Variants in NCKAP5 observed in about 807,000 individuals in gnomAD.
NCKAP5 encodes nck-associated protein 5.
In NCKAP5, 92 loss-of-function variants were observed where a neutral mutation model predicts 167.0. That is an observed-to-expected ratio of 0.55 (90% confidence interval 0.47 to 0.66). The LOEUF is 0.66. Ranked by LOEUF, NCKAP5 falls within the 30% of genes least tolerant of loss-of-function variation. The pLI is 0.00. For synonymous variants in NCKAP5, 891 were observed against 877.4 expected, an observed-to-expected ratio of 1.02 and a Z score of -0.27; for missense variants, 2,378 against 2,315.0, an observed-to-expected ratio of 1.03 and a Z score of -0.56.
intron 3 of NCKAP5, among the ~76,000 whole-genome samples, chr2:133,329,811 G>T (rs993927942): frequency 5.9e-5 from 9 of 152,110 alleles, no homozygotes; most frequent in African/African-American, 2.2e-4. Context: ...AAAAGGAGTG[G>T]TTGCCCAAGA....
At chr2:133,298,896 T>G (rs1680150184) in intron 4 of NCKAP5, among the ~76,000 whole-genome samples, 1 of 152,174 alleles carries the variant, frequency 6.6e-6, no homozygotes, top group Admixed American at 6.5e-5. Context: ...CAGGTTATAG[T>G]TCTCAAAGAC....
intron 3 of NCKAP5, among the ~76,000 whole-genome samples, chr2:133,472,296 T>C (rs541709986): frequency 1.2e-4 from 19 of 152,154 alleles, no homozygotes; most frequent in Admixed American, 2.6e-4. Context: ...CTGCATACTG[T>C]AACTTTCCTT....
chr2:133,335,562 G>A (rs1331064149), intron 3 of NCKAP5, among the ~76,000 whole-genome samples: 1 of 151,976 alleles, frequency 6.6e-6, no homozygotes, highest in African/African-American at 2.4e-5. Flanking sequence ...TCCGCCACTT[G>A]TTCTATAAAA....
rs543870757 is a variant in NCKAP5, at chr2:132,871,185, G to A, written c.649-2211C>T. Among the ~76,000 whole-genome samples the A allele has an allele frequency of 2.0e-5, 3 of 152,242 alleles. 1 individual carries two copies. Among genetic ancestry groups the A allele is most frequent in the Middle Eastern group, 3.4e-3 (1 of 294 alleles). On this transcript the variant is annotated intron_variant, in intron 9 of 19. Coordinates refer to ENST00000409261, the MANE Select transcript of NCKAP5 (RefSeq NM_207363.3). ...ATATGTGATCACAACAGTGATAAAT[G>A]TTATCCAACCCACACAAATTGACCA...
intron 11 of NCKAP5, among the ~76,000 whole-genome samples, chr2:132,815,795 G>A (rs2105291478): frequency 6.6e-6 from 1 of 152,306 alleles, no homozygotes; most frequent in Admixed American, 6.5e-5. Context: ...AATGTTAACT[G>A]CCTTATCAAA....
intron 13 of NCKAP5, among the ~76,000 whole-genome samples, chr2:132,788,586 G>A (rs1683790454): frequency 6.6e-6 from 1 of 152,108 alleles, no homozygotes; most frequent in Non-Finnish European, 1.5e-5. Context: ...ATAGGCGACT[G>A]GGAGCATTAC....
At chr2:133,202,974 C>T (rs923073099) in intron 5 of NCKAP5, among the ~76,000 whole-genome samples, 1 of 151,748 alleles carries the variant, frequency 6.6e-6, no homozygotes, top group Non-Finnish European at 1.5e-5. Context: ...TTGTGGAAGA[C>T]AGTGTGGCAA....
chr2:133,056,015 C>T (rs976665583), intron 6 of NCKAP5, among the ~76,000 whole-genome samples: 2 of 152,172 alleles, frequency 1.3e-5, no homozygotes, highest in Non-Finnish European at 2.9e-5. Flanking sequence ...ACACTTATCC[C>T]TGTGCCAATG....
intron 6 of NCKAP5, chr2:133,117,097 A>C (rs1449834295): frequency 6.6e-6 from 1 of 152,184 alleles, no homozygotes; most frequent in African/African-American, 2.4e-5. Flanking sequence ...CTCATCTGTA[A>C]AGGAGAGAGG....
chr2:133,344,330 C>A (rs1359517832), intron 3 of NCKAP5, among the ~76,000 whole-genome samples: 3 of 151,116 alleles, frequency 2.0e-5, no homozygotes, highest in Admixed American at 6.6e-5. Context: ...ATTTTTTGAA[C>A]CTGGGAGGCA....
At chr2:133,642,542 C>T in the NCKAP5 span, among the ~76,000 whole-genome samples, 1 of 152,244 alleles carries the variant, frequency 6.6e-6, no homozygotes, top group African/African-American at 2.4e-5. Context: ...GTGGTTGATA[C>T]ACCCTAAAAA....
chr2:132,680,797 G>A (rs1004220059), intron 19 of NCKAP5, among the ~76,000 whole-genome samples: 1 of 152,108 alleles, frequency 6.6e-6, no homozygotes, highest in Non-Finnish European at 1.5e-5. Flanking sequence ...TCTGGGAAGA[G>A]GAAAGGCATG....
At chr2:132,838,305 A>T (rs973358632) in intron 11 of NCKAP5, among the ~76,000 whole-genome samples, 9 of 151,900 alleles carry the variant, frequency 5.9e-5, no homozygotes, top group Non-Finnish European at 1.3e-4. Context: ...TTCAGTTCCC[A>T]CTACTCCATC....
In NCKAP5 at chr2:133,487,144, A is replaced by T. The variant is rs192035014; in HGVS notation, c.69+30314T>A. On this transcript the variant is annotated intron_variant, in intron 3 of 19. Transcript: ENST00000409261. ...CATACCCTCCCCAGCCACAAAGAAA[A>T]TACAAATTCACACTAGCTGTAGGAA... Among the ~76,000 whole-genome samples the T allele has an allele frequency of 2.0e-3, 306 of 152,318 alleles. 2 individuals carry two copies. The highest frequency in any genetic ancestry group is 7.0e-3 in the African/African-American group (293 of 41,584).
chr2:132,978,339 T>C (rs2077036480), intron 7 of NCKAP5, among the ~76,000 whole-genome samples: 2 of 152,158 alleles, frequency 1.3e-5, no homozygotes, highest in Non-Finnish European at 2.9e-5. Flanking sequence ...GGCAACCAAG[T>C]ACATCTTCTG....
At chr2:133,102,209 C>A (rs918380183) in intron 6 of NCKAP5, among the ~76,000 whole-genome samples, 1 of 152,098 alleles carries the variant, frequency 6.6e-6, no homozygotes, top group Non-Finnish European at 1.5e-5. Flanking sequence ...TGCAGTGGCA[C>A]GATCTCGGCT....
At chr2:133,020,394 G>A (rs1239241211) in intron 6 of NCKAP5, among the ~76,000 whole-genome samples, 1 of 152,176 alleles carries the variant, frequency 6.6e-6, no homozygotes, top group Non-Finnish European at 1.5e-5. Context: ...GGATGAGCAG[G>A]ACCCAGACTA....
intron 3 of NCKAP5, among the ~76,000 whole-genome samples, chr2:133,337,458 T>C (rs1250957580): frequency 6.6e-6 from 1 of 152,244 alleles, no homozygotes; most frequent in Non-Finnish European, 1.5e-5. Flanking sequence ...TCCCTCATTA[T>C]TATGGGGTAA....
In NCKAP5 at chr2:133,467,876, T is replaced by C. The variant is rs1313336418; in HGVS notation, c.69+49582A>G. ...GTGATATCCCCTTTATCATTTTTTATTGTGTCTATTTGATTCTTCTCTCTT... is the reference window on the plus strand; with the variant it reads ...GTGATATCCCCTTTATCATTTTTTACTGTGTCTATTTGATTCTTCTCTCTT... On this transcript the variant is annotated intron_variant, in intron 3 of 19. Coordinates refer to ENST00000409261, the MANE Select transcript of NCKAP5 (RefSeq NM_207363.3). 1.5e-5 allele frequency among the ~76,000 whole-genome samples: 2 copies of C among 134,344 alleles called. 1 individual carries two copies. Among genetic ancestry groups the C allele is most frequent in the Non-Finnish European group, 3.2e-5 (2 of 63,198 alleles). 88.1% of individuals were successfully genotyped at this position (134,344 alleles called of 152,430 possible). A position where few individuals can be genotyped will look rare whatever the true frequency, so the allele number is the denominator to read the frequency against.
Sources: allele counts gnomAD v4.1 joint callset (sites outside exome capture counted in the v4.1 genomes callset), GRCh38; gene constraint gnomAD v4.1.1; transcripts MANE v1.5; gene names NCBI Gene and HGNC (gene_info 2026-07-23, HGNC 2026-07-21).